IQGAP2: variants seen among roughly 807,000 people sequenced by gnomAD.
IQGAP2 encodes the protein IQ motif containing GTPase activating protein 2.
Under a neutral mutation model 201.3 loss-of-function variants are expected in IQGAP2, and 173 were observed. The ratio of observed to expected loss-of-function variants is 0.86; its 90% CI spans 0.76 to 0.98. The LOEUF (loss-of-function observed/expected upper bound fraction) is 0.98, where lower values mean the gene tolerates loss of function less well. IQGAP2 is among the 50% of genes least tolerant of loss of function. The probability of loss-of-function intolerance (pLI) is 0.00; values close to 1 mark genes in which losing one functional copy is unlikely to be tolerated. For missense variants in IQGAP2, 1,687 were observed against 1,864.8 expected (o/e 0.90, Z 1.76); for synonymous variants, 675 against 673.9 (o/e 1.00, Z -0.03).
In IQGAP2 at chr5:76,637,112, G is replaced by T; in HGVS notation, c.1859G>T (p.Ser620Ile). 6.2e-7 allele frequency: 1 copy of T among 1,611,860 alleles called. No individual in the cohort carries two copies. The highest frequency in any genetic ancestry group is 1.1e-5 in the South Asian group (1 of 90,870). ...DYYYNTDSKE[S>I]SWVTPESCLY... The stretch of plus-strand genomic sequence containing the variant: ...TATTACAACACTGATTCAAAAGAGA[G>T]TTCCTGGGTCACACCTGAATCATGC... The change falls in exon 16 of 36, where the codon AGT (serine) becomes ATT (isoleucine). Residue 620 changes from serine (S) to isoleucine (I), a missense_variant. Coordinates refer to ENST00000274364, the MANE Select transcript of IQGAP2 (RefSeq NM_006633.5).
At chr5:76,524,147 C>T (rs552866858) in intron 2 of IQGAP2, among the ~76,000 whole-genome samples, 1 of 152,250 alleles carries the variant, frequency 6.6e-6, no homozygotes, top group East Asian at 1.9e-4. Flanking sequence ...CAACCTATTC[C>T]CAAATTGACC....
chr5:76,463,496 A>G (rs1054974736), intron 2 of IQGAP2, among the ~76,000 whole-genome samples: 32 of 152,356 alleles, frequency 2.1e-4, no homozygotes, highest in African/African-American at 7.7e-4. Context: ...AATCATTTAA[A>G]GAAGGTGAAA....
chr5:76,551,410 A>G (rs1229703357), intron 2 of IQGAP2, among the ~76,000 whole-genome samples: 20 of 145,110 alleles, frequency 1.4e-4, no homozygotes, highest in South Asian at 4.4e-4. Context: ...ATCCCAGATG[A>G]TGGGCGGCCA....
intron 30 of IQGAP2, among the ~76,000 whole-genome samples, chr5:76,685,423 C>T (rs1333927522): frequency 6.6e-6 from 1 of 152,152 alleles, no homozygotes; most frequent in Non-Finnish European, 1.5e-5. Flanking sequence ...ACATCATTTT[C>T]TAAATCCAGT....
intron 28 of IQGAP2, among the ~76,000 whole-genome samples, chr5:76,680,951 C>T (rs1382734172): frequency 2.0e-5 from 3 of 150,972 alleles, no homozygotes; most frequent in Non-Finnish European, 4.4e-5. Context: ...TTTAAAAATA[C>T]AAAAATTAAC....
intron 21 of IQGAP2, among the ~76,000 whole-genome samples, chr5:76,663,092 T>G (rs1243322509): frequency 1.3e-5 from 2 of 152,142 alleles, no homozygotes; most frequent in Non-Finnish European, 2.9e-5. Context: ...AGTAAACAGA[T>G]TTAGAGCTTG....
Position 76,590,409 on chromosome 5 carries a change from A to G in IQGAP2, c.642A>G (p.Leu214=), listed in dbSNP as rs148953280. The G allele has an allele frequency of 1.6e-4, 261 of 1,587,292 alleles. No homozygotes were observed. Among genetic ancestry groups the G allele is most frequent in the Non-Finnish European group, 2.2e-4 (254 of 1,168,084 alleles). Residue 214 remains leucine (L), a splice_region_variant and synonymous_variant, in exon 8 of 36, where the codon TTA becomes TTG. Transcript: ENST00000274364. ...TCTCTCTCTCTCTTTACTTTTTAGT[A>G]CATGCTGCAGTTATAGCCATTAATG... ...ANELSVDEAA[L]HAAVIAINEA... is the part of the protein sequence containing the mutation.
At position 76,611,140 on chromosome 5, in the gene IQGAP2, A is replaced by G. The variant is rs374553088; in HGVS notation, c.1478A>G (p.His493Arg). Residue 493 changes from histidine to arginine, a missense_variant, in exon 13 of 36, where the codon CAC becomes CGC. Coordinates refer to ENST00000274364, the MANE Select transcript of IQGAP2 (RefSeq NM_006633.5). The part of the protein sequence containing the change: ...ISDVDPAHAQ[H>R]YQDVLYHAKS... The stretch of plus-strand genomic sequence containing the variant: ...GATGTGGACCCAGCCCATGCCCAGC[A>G]CTACCAGGATGTTTTATACCATGCT... The G allele has an allele frequency of 1.7e-5, 27 of 1,613,830 alleles. No homozygotes were observed. Among genetic ancestry groups the G allele is most frequent in the Non-Finnish European group, 2.0e-5 (24 of 1,179,942 alleles).
intron 30 of IQGAP2, chr5:76,691,521 G>A (rs1044432080): frequency 1.3e-5 from 2 of 152,176 alleles, no homozygotes; most frequent in Admixed American, 6.5e-5. Context: ...GGAAGGTGGT[G>A]TGTAGGAAGG....
At chr5:76,656,646 T>C (rs1580739303) in intron 20 of IQGAP2, among the ~76,000 whole-genome samples, 1 of 152,172 alleles carries the variant, frequency 6.6e-6, no homozygotes, top group African/African-American at 2.4e-5. Flanking sequence ...TGTTTTTTTT[T>C]AAGCAGTTAT....
chr5:76,459,749 C>G (rs1195699766), intron 1 of IQGAP2, among the ~76,000 whole-genome samples: 3 of 152,166 alleles, frequency 2.0e-5, no homozygotes, highest in African/African-American at 7.2e-5. Flanking sequence ...AGCGATTCTC[C>G]TGCCTGAGCC....
intron 2 of IQGAP2, among the ~76,000 whole-genome samples, chr5:76,533,703 A>G (rs1017172093): frequency 1.9e-4 from 29 of 151,942 alleles, no homozygotes; most frequent in African/African-American, 5.8e-4. Context: ...ACACCTGGCT[A>G]ATTTTTTGTA....
intron 1 of IQGAP2, among the ~76,000 whole-genome samples, chr5:76,416,528 G>T (rs1201888348): frequency 1.4e-5 from 2 of 147,100 alleles, no homozygotes; most frequent in African/African-American, 5.4e-5. Flanking sequence ...TAAGTTCTTT[G>T]AGCTTTTTTT....
At chr5:76,674,331 A>C (rs956595919) in intron 26 of IQGAP2, 146 bp from the exon 27 acceptor site, 47 of 606,840 alleles carry the variant, frequency 7.7e-5, no homozygotes, top group African/African-American at 7.2e-4. Context: ...TGCCTTTATT[A>C]AACTCCTTGT....
rs73127567 is a variant in IQGAP2 at position 76,694,747 on chromosome 5, G to A, written c.3994-707G>A. ...AGATTACTGTCCCTAACTAATAGTCGTTTCCTTAGACTTCATCTATTGGGT... is the reference window on the plus strand; with the variant it reads ...AGATTACTGTCCCTAACTAATAGTCATTTCCTTAGACTTCATCTATTGGGT... On this transcript the variant is annotated intron_variant, in intron 31 of 35. Coordinates refer to ENST00000274364, the MANE Select transcript of IQGAP2 (RefSeq NM_006633.5). Among the ~76,000 whole-genome samples the A allele has an allele frequency of 8.2e-3, 1,247 of 152,192 alleles. 22 individuals carry two copies. The highest frequency in any genetic ancestry group is 0.028 in the African/African-American group (1,151 of 41,530).
chr5:76,433,074 A>G (rs981978487), intron 1 of IQGAP2, among the ~76,000 whole-genome samples: 17 of 152,216 alleles, frequency 1.1e-4, no homozygotes, highest in African/African-American at 3.9e-4. Flanking sequence ...TGAACAAGGT[A>G]AGGGAAACTA....
intron 1 of IQGAP2, chr5:76,441,676 A>G (rs1753048020): frequency 4.9e-6 from 1 of 202,574 alleles, no homozygotes; most frequent in African/African-American, 2.4e-5. Context: ...TTACTTTTCT[A>G]CCTTTTGGTT....
intron 4 of IQGAP2, among the ~76,000 whole-genome samples, chr5:76,575,412 A>G (rs367974705): frequency 6.6e-6 from 1 of 152,048 alleles, no homozygotes; most frequent in East Asian, 1.9e-4. Flanking sequence ...GCCCTATGAA[A>G]TGAAACACTG....
chr5:76,658,699 A>C, intron 21 of IQGAP2, 32 bp downstream of exon 21: 4 of 1,560,434 alleles, frequency 2.6e-6, no homozygotes, highest in Non-Finnish European at 3.5e-6. Flanking sequence ...GTCAGCTCCC[A>C]GAAGAGGGAA....
Sources: gnomAD v4.1 joint callset for allele counts (sites outside exome capture counted in the v4.1 genomes callset) on GRCh38, gnomAD v4.1.1 for gene constraint, MANE v1.5 for transcripts, NCBI Gene and HGNC (gene_info 2026-07-23, HGNC 2026-07-21) for gene names.